The following EPB41L2 variants were observed in gnomAD, a reference collection of about 807,000 sequenced individuals.
EPB41L2 encodes the protein band 4.1-like protein 2.
Under a neutral mutation model 113.0 loss-of-function variants are expected in EPB41L2, and 43 were observed. The observed-to-expected ratio is 0.38, with a 90% confidence interval of 0.30 to 0.49. The LOEUF is 0.49. EPB41L2 is among the 20% of genes least tolerant of loss of function. The pLI is 0.95. For synonymous variants in EPB41L2, 442 were observed against 436.7 expected (o/e 1.01, Z -0.15); for missense variants, 1,147 against 1,223.4 (o/e 0.94, Z 0.93).
intron 3 of EPB41L2, among the ~76,000 whole-genome samples, chr6:130,954,031 CTTTTCTTTCT>C (rs1203586080): frequency 2.1e-4 from 19 of 89,074 alleles, no homozygotes; most frequent in African/African-American, 6.3e-4. Context: ...TTTGCTAGTC[CTTTTCTTTCT>C]TTTTTTTTTT....
At chr6:130,880,680 G>A (rs1015941855) in intron 12 of EPB41L2, 2 of 412,386 alleles carry the variant, frequency 4.8e-6, no homozygotes, top group African/African-American at 4.1e-5. Flanking sequence ...TACGAATGAT[G>A]GAAATGATCC....
At chr6:130,963,502 T>C (rs1262714754) in intron 1 of EPB41L2, among the ~76,000 whole-genome samples, 1 of 152,200 alleles carries the variant, frequency 6.6e-6, no homozygotes, top group Non-Finnish European at 1.5e-5. Flanking sequence ...TTTATCAACA[T>C]ATGAGTCCCT....
intron 1 of EPB41L2, among the ~76,000 whole-genome samples, chr6:131,033,865 G>A (rs941082729): frequency 6.6e-6 from 1 of 152,224 alleles, no homozygotes; most frequent in African/African-American, 2.4e-5. Flanking sequence ...AGACAGTGGT[G>A]ATGGTTGCAC....
chr6:130,899,527 C>T lies in EPB41L2; in HGVS notation c.1200G>A (p.Arg400=), dbSNP rs1161536701. Residue 400 remains arginine (R), a synonymous_variant, in exon 8 of 20, where the codon AGG becomes AGA. Transcript: ENST00000337057. ...ADSQFLENAK[R]LSMYGVDLHH... ...GTAGGTCAACACCATACATGGAAAGCCTCTTTGCATTTTCTAAGAACTGGG... is the reference window on the plus strand; with the variant it reads ...GTAGGTCAACACCATACATGGAAAGTCTCTTTGCATTTTCTAAGAACTGGG... 1 of 1,613,972 alleles carries T rather than the reference C, an allele frequency of 6.2e-7. No individual in the cohort carries two copies. The highest frequency in any genetic ancestry group is 1.1e-5 in the South Asian group (1 of 91,080).
chr6:130,857,727 T>C (rs1054864286), intron 19 of EPB41L2, among the ~76,000 whole-genome samples: 1 of 152,106 alleles, frequency 6.6e-6, no homozygotes, highest in Admixed American at 6.6e-5. Flanking sequence ...CATCTCATTT[T>C]TGTGTTTTTA....
chr6:131,059,909 T>C (rs534629565), intron 1 of EPB41L2, among the ~76,000 whole-genome samples: 1 of 152,276 alleles, frequency 6.6e-6, no homozygotes, highest in East Asian at 1.9e-4. Flanking sequence ...TAAATAAAGG[T>C]GGGATGGAGG....
intron 1 of EPB41L2, among the ~76,000 whole-genome samples, chr6:131,006,238 G>C (rs967120962): frequency 6.6e-6 from 1 of 151,524 alleles, no homozygotes. Flanking sequence ...GTATTTTTTA[G>C]TAGAGACAAG....
chr6:130,998,808 C>G (rs571155930), intron 1 of EPB41L2, among the ~76,000 whole-genome samples: 5 of 152,256 alleles, frequency 3.3e-5, no homozygotes, highest in Admixed American at 1.3e-4. Flanking sequence ...GACACTGCTA[C>G]CCAACTAATC....
intron 16 of EPB41L2, among the ~76,000 whole-genome samples, chr6:130,866,843 T>G (rs1419713633): frequency 6.6e-6 from 1 of 152,202 alleles, no homozygotes; most frequent in Non-Finnish European, 1.5e-5. Flanking sequence ...TGTGAAAACC[T>G]AAAATCAAAC....
intron 3 of EPB41L2, among the ~76,000 whole-genome samples, chr6:130,953,302 G>C (rs1815891746): frequency 6.6e-6 from 1 of 152,044 alleles, no homozygotes; most frequent in African/African-American, 2.4e-5. Context: ...TCTCAGGAAA[G>C]GGCAAACAAA....
chr6:131,020,106 T>C (rs1045996957), intron 1 of EPB41L2, among the ~76,000 whole-genome samples: 1 of 152,182 alleles, frequency 6.6e-6, no homozygotes, highest in African/African-American at 2.4e-5. Flanking sequence ...ATATTTATAT[T>C]GTCTTCTAAT....
At chr6:130,985,210 A>G (rs1584272506) in intron 1 of EPB41L2, among the ~76,000 whole-genome samples, 1 of 152,108 alleles carries the variant, frequency 6.6e-6, no homozygotes, top group Non-Finnish European at 1.5e-5. Context: ...CTTTTTAACC[A>G]ATTGAATGTT....
intron 6 of EPB41L2, 118 bp downstream of exon 6, chr6:130,904,347 A>G (rs189993064): frequency 1.7e-6 from 1 of 597,110 alleles, no homozygotes; most frequent in Non-Finnish European, 2.8e-6. Context: ...GGAAACTTCT[A>G]AAACTTAAGA....
At chr6:130,908,700 T>G (rs913071852) in intron 5 of EPB41L2, 121 bp downstream of exon 5, 11 of 649,116 alleles carry the variant, frequency 1.7e-5, no homozygotes, top group African/African-American at 1.5e-4. Context: ...ATTATTAGTA[T>G]TATTAACTTC....
chr6:130,966,089 T>G (rs1320040287), intron 1 of EPB41L2, among the ~76,000 whole-genome samples: 1 of 152,170 alleles, frequency 6.6e-6, no homozygotes, highest in East Asian at 1.9e-4. Context: ...AAATTTGTGT[T>G]GGGCAGGATT....
chr6:130,973,225 C>A (rs1247437143), intron 1 of EPB41L2, among the ~76,000 whole-genome samples: 3 of 151,908 alleles, frequency 2.0e-5, no homozygotes. Flanking sequence ...GTTTCCATGG[C>A]ACCTCTGAAG....
At chr6:131,061,827 TG>T (rs1798709665) in intron 1 of EPB41L2, among the ~76,000 whole-genome samples, 1 of 146,520 alleles carries the variant, frequency 6.8e-6, no homozygotes, top group African/African-American at 2.5e-5. Context: ...AAACGTAGGG[TG>T]GGGGAGGAAA....
At chr6:130,992,636 C>CT (rs35391247) in intron 1 of EPB41L2, among the ~76,000 whole-genome samples, 30,494 of 145,222 alleles carry the variant, frequency 0.21, 3,907 homozygotes, top group African/African-American at 0.36. Flanking sequence ...AATTCAAATT[C>CT]TTTTTTTTTT....
chr6:130,870,087 G>A lies in EPB41L2; in HGVS notation c.2083C>T (p.Arg695Trp), dbSNP rs781600797. The change falls in exon 15 of 20, where the codon CGG (arginine) becomes TGG (tryptophan). Residue 695 changes from arginine (R) to tryptophan (W), a missense_variant. By Grantham distance (101) the Arg-to-Trp change is moderately radical. Coordinates refer to ENST00000337057, the MANE Select transcript of EPB41L2 (RefSeq NM_001431.4). ...ETLNIVEEKK[R>W]AEVGKDERVI... Reference sequence around the variant, plus strand: ...CTTTCGTCTTTCCCAACCTCTGCCCGCTTCTTCTCCTCCACTATATTCAGA... The same window carrying A: ...CTTTCGTCTTTCCCAACCTCTGCCCACTTCTTCTCCTCCACTATATTCAGA... The A allele has an allele frequency of 5.3e-5, 86 of 1,613,120 alleles. 1 individual carries two copies. Among genetic ancestry groups the A allele is most frequent in the Middle Eastern group, 4.9e-4 (3 of 6,082 alleles).
Sources: allele counts gnomAD v4.1 joint callset (sites outside exome capture counted in the v4.1 genomes callset), GRCh38; gene constraint gnomAD v4.1.1; transcripts MANE v1.5; gene names NCBI Gene and HGNC (gene_info 2026-07-23, HGNC 2026-07-21).